The following DAB2IP variants were observed in gnomAD, a reference collection of about 807,000 sequenced individuals.
DAB2IP encodes DAB2 interacting protein, also known as disabled homolog 2-interacting protein.
A neutral mutation model predicts 107.2 loss-of-function variants in DAB2IP; 28 were observed. That is an observed-to-expected ratio of 0.26 (90% CI 0.19 to 0.36). The LOEUF is 0.36. Among genes scored for constraint, DAB2IP ranks in the 10% least tolerant of loss-of-function variants. The probability of loss-of-function intolerance (pLI) is 1.00; values close to 1 mark genes in which losing one functional copy is unlikely to be tolerated. For missense variants in DAB2IP, 1,400 were observed against 1,644.7 expected, an observed-to-expected ratio of 0.85 and a Z score of 2.57; for synonymous variants, 755 against 706.4, an observed-to-expected ratio of 1.07 and a Z score of -1.09.
At chr9:121,637,622 G>A (rs1832135191) in intron 1 of DAB2IP, among the ~76,000 whole-genome samples, 1 of 152,202 alleles carries the variant, frequency 6.6e-6, no homozygotes, top group South Asian at 2.1e-4. Context: ...CCCTGAGTAG[G>A]AGGCTCAGAC....
At chr9:121,641,980 CTT>C (rs1832331484) in intron 1 of DAB2IP, among the ~76,000 whole-genome samples, 1 of 88,896 alleles carries the variant, frequency 1.1e-5, no homozygotes. Context: ...CTCTTTCTTT[CTT>C]TCTTTCTTTC....
intron 3 of DAB2IP, among the ~76,000 whole-genome samples, chr9:121,728,854 A>T (rs1831372836): frequency 6.6e-6 from 1 of 152,242 alleles, no homozygotes; most frequent in Non-Finnish European, 1.5e-5. Context: ...TTATTTAAAC[A>T]CACTTCAAAG....
At chr9:121,674,876 GGTGTGT>G (rs369953526) in intron 1 of DAB2IP, among the ~76,000 whole-genome samples, 1 of 150,188 alleles carries the variant, frequency 6.7e-6, no homozygotes, top group Non-Finnish European at 1.5e-5. Context: ...TGGCCAGGGT[GGTGTGT>G]GTGTGTGTGT....
At chr9:121,780,729 A>C (rs1321971244) in intron 14 of DAB2IP, among the ~76,000 whole-genome samples, 1 of 152,172 alleles carries the variant, frequency 6.6e-6, no homozygotes, top group African/African-American at 2.4e-5. Context: ...CTCAGGAACC[A>C]GCCAGGTGGG....
At chr9:121,765,341 T>G (rs573302923) in intron 8 of DAB2IP, among the ~76,000 whole-genome samples, 1 of 152,332 alleles carries the variant, frequency 6.6e-6, no homozygotes, top group African/African-American at 2.4e-5. Flanking sequence ...ATGTCACCAC[T>G]CAACACCTGC....
At chr9:121,758,657 T>A (rs550420561) in intron 4 of DAB2IP, among the ~76,000 whole-genome samples, 14 of 152,328 alleles carry the variant, frequency 9.2e-5, no homozygotes, top group Admixed American at 2.6e-4. Flanking sequence ...GTGAGGAGCC[T>A]GCTCGTGCAG....
In DAB2IP at chr9:121,776,180, A is replaced by G. The variant is rs764559554; in HGVS notation, c.3121-18A>G. On this transcript the variant is annotated intron_variant, in intron 13 of 15. Transcript: ENST00000408936. The surrounding 1 kb of genome is among the most constrained non-coding windows in gnomAD (Gnocchi z 5.4). ...TGTGTCCTGGGTGCTGTGCCCGTGG[A>G]CGCTGCCCTCCTGGTAGGACCTGGC... 6.4e-7 allele frequency: 1 copy of G among 1,561,862 alleles called. No individual in the cohort carries two copies. Among genetic ancestry groups the G allele is most frequent in the East Asian group, 2.4e-5 (1 of 42,050 alleles).
Position 121,616,171 on chromosome 9 carries a change from A to G in DAB2IP, c.40+48943A>G, listed in dbSNP as rs954870594. On this transcript the variant is annotated intron_variant, in intron 1 of 16. Coordinates refer to the DAB2IP transcript ENST00000259371. ...GATCCCTGGGGATTCCTGTGGCCCT[A>G]TGTGGTTGCCTCCTGCAGGATGCAG... 4.6e-5 allele frequency among the ~76,000 whole-genome samples: 7 copies of G among 152,132 alleles called. No individual in the cohort carries two copies. In the South Asian group the frequency reaches 8.3e-4, roughly 18 times the overall value.
chr9:121,740,714 G>A (rs982232295), intron 3 of DAB2IP, among the ~76,000 whole-genome samples: 2 of 152,202 alleles, frequency 1.3e-5, no homozygotes, highest in African/African-American at 4.8e-5. Context: ...TCTGCTAGAC[G>A]CCTGGTGGGT....
At chr9:121,755,256 G>A (rs914402358) in intron 3 of DAB2IP, among the ~76,000 whole-genome samples, 1 of 152,210 alleles carries the variant, frequency 6.6e-6, no homozygotes, top group Admixed American at 6.5e-5. Flanking sequence ...TGGCGGTGTG[G>A]CGTGGCAGGT....
chr9:121,600,241 C>T (rs1449631932), intron 1 of DAB2IP, among the ~76,000 whole-genome samples: 6 of 152,164 alleles, frequency 3.9e-5, no homozygotes, highest in Non-Finnish European at 8.8e-5. Flanking sequence ...AGCCAGGCAC[C>T]CCCTGGGGCA....
chr9:121,737,678 A>G (rs1462790983), intron 3 of DAB2IP: 1 of 985,322 alleles, frequency 1.0e-6, no homozygotes, highest in African/African-American at 1.7e-5. Flanking sequence ...AGTGCCCAGA[A>G]CCAGGTCAGC....
At position 121,782,197 on chromosome 9, in the gene DAB2IP, C is replaced by T; in HGVS notation, c.3403-134C>T. On this transcript the variant is annotated intron_variant, in intron 15 of 15. Transcript: ENST00000408936. The surrounding 1 kb of genome is among the most constrained non-coding windows in gnomAD (Gnocchi z 6.1). ...AGAGGCCTCTGCCTACCTTCTCTTG[C>T]CAGCTGCTCACAGCCCGGAGCCTGC... 2.1e-6 allele frequency: 3 copies of T among 1,417,718 alleles called. No individual in the cohort carries two copies. Among genetic ancestry groups the T allele is most frequent in the East Asian group, 4.9e-5 (2 of 40,978 alleles). 87.8% of individuals were successfully genotyped at this position (1,417,718 alleles called of 1,614,324 possible).
chr9:121,582,945 G>A (rs1256141373), intron 1 of DAB2IP, among the ~76,000 whole-genome samples: 1 of 152,244 alleles, frequency 6.6e-6, no homozygotes, highest in Non-Finnish European at 1.5e-5. Context: ...TGCCCTGCGG[G>A]CAGCCCTCAT....
At chr9:121,636,713 C>T (rs1451793991) in intron 1 of DAB2IP, among the ~76,000 whole-genome samples, 1 of 152,222 alleles carries the variant, frequency 6.6e-6, no homozygotes, top group African/African-American at 2.4e-5. Flanking sequence ...TTGTTCTGAA[C>T]CGCCAGTCCC....
At chr9:121,714,880 G>GT (rs1443336575) in intron 3 of DAB2IP, among the ~76,000 whole-genome samples, 11 of 152,276 alleles carry the variant, frequency 7.2e-5, no homozygotes, top group African/African-American at 2.7e-4. Flanking sequence ...CTTCTGGGCA[G>GT]TGGGAGAACT....
intron 1 of DAB2IP, among the ~76,000 whole-genome samples, chr9:121,669,483 A>G (rs1833587555): frequency 1.3e-5 from 2 of 152,102 alleles, no homozygotes; most frequent in South Asian, 4.1e-4. Context: ...GTGTGTTAGG[A>G]AGAACCTAGT....
chr9:121,571,738 G>C lies in DAB2IP; in HGVS notation c.40+4510G>C, dbSNP rs569249263. The stretch of plus-strand genomic sequence containing the variant: ...TGGCACTGAAGTTCTGGAGGCCTAA[G>C]CCTCTTAGCAGGCAGGACTGAGCAG... On this transcript the variant is annotated intron_variant, in intron 1 of 16. Transcript: ENST00000259371. Among the ~76,000 whole-genome samples, 4 of 152,196 alleles carry C rather than the reference G, an allele frequency of 2.6e-5. No individual in the cohort carries two copies. The East Asian group carries it at 5.8e-4, about 22-fold the overall frequency.
intron 8 of DAB2IP, among the ~76,000 whole-genome samples, chr9:121,765,338 C>T (rs1463467884): frequency 6.6e-6 from 1 of 152,244 alleles, no homozygotes; most frequent in Non-Finnish European, 1.5e-5. Flanking sequence ...TAGATGTCAC[C>T]ACTCAACACC....
Sources: allele counts gnomAD v4.1 joint callset (sites outside exome capture counted in the v4.1 genomes callset), GRCh38; gene constraint gnomAD v4.1.1; non-coding constraint Gnocchi (gnomAD v3.1); transcripts MANE v1.5; gene names NCBI Gene and HGNC (gene_info 2026-07-23, HGNC 2026-07-21).